NEMF: variants seen among roughly 807,000 people sequenced by gnomAD.
NEMF encodes ribosome quality control complex subunit NEMF.
NEMF carries 89 observed loss-of-function variants against 162.2 expected under a neutral mutation model. The observed-to-expected ratio is 0.55, with a 90% CI of 0.46 to 0.65. The LOEUF (loss-of-function observed/expected upper bound fraction) is 0.65, where lower values mean the gene tolerates loss of function less well. Ranked by LOEUF, NEMF falls within the 30% of genes least tolerant of loss-of-function variation. The pLI is 0.00. For missense variants in NEMF, 1,133 were observed against 1,261.9 expected, an observed-to-expected ratio of 0.90 and a Z score of 1.55; for synonymous variants, 421 against 404.5, an observed-to-expected ratio of 1.04 and a Z score of -0.49.
intron 23 of NEMF, 78 bp downstream of exon 23, chr14:49,800,342 G>T: frequency 9.5e-7 from 1 of 1,053,236 alleles, no homozygotes. Flanking sequence ...TGTCAATCTT[G>T]GTATTATCTT....
chr14:49,834,332 A>C (rs1356434690), intron 7 of NEMF, 31 bp downstream of exon 7: 1 of 1,445,256 alleles, frequency 6.9e-7, no homozygotes, highest in South Asian at 1.2e-5. Flanking sequence ...AAAAAAATGA[A>C]ATAAATGAAA....
chr14:49,825,291 C>T (rs192828899), intron 16 of NEMF, among the ~76,000 whole-genome samples: 1 of 152,218 alleles, frequency 6.6e-6, no homozygotes, highest in Admixed American at 6.5e-5. Flanking sequence ...CCTCATCTTT[C>T]CCAGTGGGAA....
intron 14 of NEMF, 43 bp from the exon 15 acceptor site, chr14:49,828,397 T>C (rs753614146): frequency 5.6e-6 from 7 of 1,251,538 alleles, no homozygotes; most frequent in Non-Finnish European, 6.8e-6. Context: ...ATAATATTTA[T>C]TCTTCAGTTT....
intron 18 of NEMF, among the ~76,000 whole-genome samples, chr14:49,808,718 G>A (rs1891335020): frequency 6.6e-6 from 1 of 150,854 alleles, no homozygotes; most frequent in African/African-American, 2.4e-5. Flanking sequence ...ATATCTAGTA[G>A]TGCCATACTA....
At chr14:49,845,073 TTAAG>T (rs1293839657) in intron 4 of NEMF, among the ~76,000 whole-genome samples, 1 of 31,220 alleles carries the variant, frequency 3.2e-5, no homozygotes, top group African/African-American at 1.2e-4. Context: ...CTGGCCCAGA[TTAAG>T]TTAGTTAGTT....
chr14:49,816,811 AAG>A (rs1467892715), intron 16 of NEMF, among the ~76,000 whole-genome samples: 3 of 152,242 alleles, frequency 2.0e-5, no homozygotes, highest in Non-Finnish European at 2.9e-5. Flanking sequence ...GGTTTGTAAA[AAG>A]ACAAAGACAT....
In NEMF at chr14:49,795,795, T is replaced by C. The variant is rs1286869093; in HGVS notation, c.2615A>G (p.Gln872Arg). 2 of 1,609,372 alleles carry C rather than the reference T, an allele frequency of 1.2e-6. No homozygotes were observed. The highest frequency in any genetic ancestry group is 2.2e-5 in the East Asian group (1 of 44,860). ...ATAGATCATCCTGAAGTTTACCTTT[T>C]GTCCTCGTTTCATTGGCTGCACAGC... ...VAAVQPMKRG[Q>R]KSKMKKMKEK... Residue 872 changes from glutamine (Q) to arginine (R), a missense_variant, in exon 26 of 33, where the codon CAA (glutamine) becomes CGA (arginine). Gln to Arg is a conservative substitution (Grantham distance 43). Transcript: ENST00000298310.
intron 4 of NEMF, 62 bp downstream of exon 4, chr14:49,846,078 G>T: frequency 7.0e-7 from 1 of 1,437,320 alleles, no homozygotes; most frequent in Non-Finnish European, 9.7e-7. Flanking sequence ...ATGTTATATA[G>T]CACTATTACA....
At chr14:49,842,745 G>A (rs1213556987) in intron 4 of NEMF, among the ~76,000 whole-genome samples, 1 of 152,016 alleles carries the variant, frequency 6.6e-6, no homozygotes, top group Admixed American at 6.5e-5. Context: ...AGTGGCTCAC[G>A]CCTGTAATCC....
At position 49,789,210 on chromosome 14, in the gene NEMF, G is replaced by A. The variant is rs370695496; in HGVS notation, c.2831C>T (p.Pro944Leu). Residue 944 changes from proline to leucine, a missense_variant, in exon 28 of 33, where the codon CCG becomes CTG. Pro to Leu is a moderately conservative substitution (Grantham distance 98). Coordinates refer to ENST00000298310, the MANE Select transcript of NEMF (RefSeq NM_004713.6). ...RVSDNIKKET[P>L]FLEVITHELQ... ...CTCATGAGTTATAACCTCAAGGAACGGAGTTTCTTTCTTAATGTTGTCAGA... is the reference window on the plus strand; with the variant it reads ...CTCATGAGTTATAACCTCAAGGAACAGAGTTTCTTTCTTAATGTTGTCAGA... The A allele has an allele frequency of 2.6e-5, 42 of 1,613,874 alleles. No homozygotes were observed. The highest frequency in any genetic ancestry group is 2.9e-5 in the Non-Finnish European group (34 of 1,179,912).
At position 49,799,528 on chromosome 14, in the gene NEMF, T is replaced by C; in HGVS notation, c.2416-4A>G. ...GGCTCTGTGATTTACTGTCACTCTATTAAAACAAAAAAACAGGCAAATGCA... is the reference window on the plus strand; with the variant it reads ...GGCTCTGTGATTTACTGTCACTCTACTAAAACAAAAAAACAGGCAAATGCA... On this transcript the variant is annotated splice_region_variant and splice_polypyrimidine_tract_variant and intron_variant, in intron 24 of 32. Coordinates refer to ENST00000298310, the MANE Select transcript of NEMF (RefSeq NM_004713.6). 1.2e-6 allele frequency: 2 copies of C among 1,610,980 alleles called. No homozygotes were observed. Among genetic ancestry groups the C allele is most frequent in the Non-Finnish European group, 1.7e-6 (2 of 1,179,282 alleles).
intron 26 of NEMF, among the ~76,000 whole-genome samples, chr14:49,793,066 A>G (rs1007996371): frequency 6.6e-6 from 1 of 152,202 alleles, no homozygotes; most frequent in Non-Finnish European, 1.5e-5. Flanking sequence ...AACTTTCAAA[A>G]AGGTGTCCTT....
At chr14:49,847,162 G>C (rs996887719) in intron 3 of NEMF, among the ~76,000 whole-genome samples, 4 of 152,054 alleles carry the variant, frequency 2.6e-5, no homozygotes, top group African/African-American at 9.6e-5. Flanking sequence ...GGGATTACAG[G>C]CATGAGCCAC....
intron 28 of NEMF, chr14:49,787,005 G>A (rs8020560): frequency 0.97 from 370,514 of 380,610 alleles, 181,066 homozygotes; most frequent in Non-Finnish European, 1. Flanking sequence ...AGTAGAGGAG[G>A]TGGGAACTGA....
intron 6 of NEMF, among the ~76,000 whole-genome samples, chr14:49,837,815 T>TAAAAAAAAAAAAAAAAACAAAAAAA (rs1892979985): frequency 8.1e-6 from 1 of 122,780 alleles, no homozygotes. Context: ...ACCCACCAAT[T>TAAAAAAAAAAAAAAAAACAAAAAAA]AAAAAAAAAA....
chr14:49,844,122 C>A (rs1387965482), intron 4 of NEMF, among the ~76,000 whole-genome samples: 4 of 144,478 alleles, frequency 2.8e-5, no homozygotes, highest in East Asian at 2.0e-4. Context: ...CAAAACAAAA[C>A]AAAAAAAAAA....
intron 26 of NEMF, among the ~76,000 whole-genome samples, chr14:49,792,833 TAGCC>T (rs1178501250): frequency 6.6e-6 from 1 of 151,782 alleles, no homozygotes; most frequent in Non-Finnish European, 1.5e-5. Context: ...AAATAAAAAT[TAGCC>T]AGACATGGTG....
intron 15 of NEMF, among the ~76,000 whole-genome samples, chr14:49,827,279 C>T (rs1358380896): frequency 1.3e-5 from 2 of 152,114 alleles, no homozygotes; most frequent in African/African-American, 2.4e-5. Context: ...CTCCACCTCC[C>T]GGGTTCATTA....
At chr14:49,808,766 T>C (rs1891337773) in intron 18 of NEMF, among the ~76,000 whole-genome samples, 1 of 151,514 alleles carries the variant, frequency 6.6e-6, no homozygotes, top group African/African-American at 2.4e-5. Flanking sequence ...CAGAAAATAC[T>C]TGCAAAAGAC....
Sources: gnomAD v4.1 joint callset for allele counts (sites outside exome capture counted in the v4.1 genomes callset) on GRCh38, gnomAD v4.1.1 for gene constraint, MANE v1.5 for transcripts, NCBI Gene and HGNC (gene_info 2026-07-23, HGNC 2026-07-21) for gene names.